Variants in IL20RB observed in about 807,000 individuals in gnomAD.
The protein encoded by IL20RB is interleukin 20 receptor subunit beta.
A neutral mutation model predicts 33.3 loss-of-function variants in IL20RB; 21 were observed. The observed-to-expected ratio is 0.63, with a 90% CI of 0.45 to 0.91. The LOEUF (loss-of-function observed/expected upper bound fraction) is 0.91, where lower values mean the gene tolerates loss of function less well. IL20RB is among the 40% of genes least tolerant of loss of function. IL20RB has a pLI of 0.00. For missense variants in IL20RB, 345 were observed against 384.8 expected (o/e 0.90, Z 0.86); for synonymous variants, 147 against 146.8 (o/e 1.00, Z -0.01).
rs1354144301 is a variant in IL20RB at position 137,010,835 on chromosome 3, G to A, written c.*612G>A. ...GGGGAATGGCTTAGCGAGCTCTACA[G>A]TAGGTGACCTGGAGGAAGGTCACAG... is the stretch of plus-strand genomic sequence containing the variant. On this transcript the variant is annotated 3_prime_UTR_variant, in exon 7 of 7. Transcript: ENST00000329582. 1 of 152,330 alleles carries A rather than the reference G, an allele frequency of 6.6e-6. No homozygotes were observed. Among genetic ancestry groups the A allele is most frequent in the Non-Finnish European group, 1.5e-5 (1 of 68,150 alleles). The allele number at this position is 152,330 out of a possible 1,614,324, so 9.4% of individuals were successfully genotyped here. A position where few individuals can be genotyped will look rare whatever the true frequency, so the allele number is the denominator to read the frequency against.
intron 6 of IL20RB, among the ~76,000 whole-genome samples, chr3:137,004,599 A>G (rs575753519): frequency 6.6e-6 from 1 of 152,098 alleles, no homozygotes; most frequent in South Asian, 2.1e-4. Context: ...TTTCTGTGGG[A>G]TCGGTGGTGA....
At chr3:136,998,209 T>C (rs1360325446) in intron 6 of IL20RB, among the ~76,000 whole-genome samples, 1 of 151,388 alleles carries the variant, frequency 6.6e-6, no homozygotes, top group African/African-American at 2.4e-5. Context: ...AATTTCACTT[T>C]AGTGACTTTT....
chr3:136,993,883 C>T (rs1276013378), intron 5 of IL20RB, among the ~76,000 whole-genome samples: 1 of 151,864 alleles, frequency 6.6e-6, no homozygotes, highest in East Asian at 1.9e-4. Context: ...CATGGTGGTG[C>T]ACGTCTGTAA....
rs1942105129 is a variant in IL20RB, at chr3:136,995,369, T to G, written c.683-45T>G. ...GGGAGGCTCAGGATTGAAGTTTTAA[T>G]CTTTGCTGCTGTTTTCTAAGCCTGT... is the stretch of plus-strand genomic sequence containing the variant. On this transcript the variant is annotated intron_variant, in intron 5 of 6. Coordinates refer to ENST00000329582, the MANE Select transcript of IL20RB (RefSeq NM_144717.4). 3 of 1,606,654 alleles carry G rather than the reference T, an allele frequency of 1.9e-6. No individual in the cohort carries two copies. In the African/African-American group the frequency reaches 4.0e-5, roughly 22 times the overall value.
chr3:137,002,361 C>CAATGGTTG (rs1942263069), intron 6 of IL20RB, among the ~76,000 whole-genome samples: 1 of 152,198 alleles, frequency 6.6e-6, no homozygotes, highest in Non-Finnish European at 1.5e-5. Flanking sequence ...CTGTCTTCCA[C>CAATGGTTG]AATGGTTGAA....
At chr3:136,961,347 A>C (rs1941211707) in intron 1 of IL20RB, among the ~76,000 whole-genome samples, 1 of 152,156 alleles carries the variant, frequency 6.6e-6, no homozygotes, top group Non-Finnish European at 1.5e-5. Flanking sequence ...CACCAGAAGT[A>C]AAGTCTAGAT....
intron 1 of IL20RB, among the ~76,000 whole-genome samples, chr3:136,975,363 G>A (rs1047421789): frequency 6.6e-6 from 1 of 151,872 alleles, no homozygotes; most frequent in Non-Finnish European, 1.5e-5. Flanking sequence ...TTTTTGAAAT[G>A]GAGTCTCGCT....
At chr3:136,988,151 A>T (rs1354035944) in intron 3 of IL20RB, among the ~76,000 whole-genome samples, 1 of 152,172 alleles carries the variant, frequency 6.6e-6, no homozygotes, top group Non-Finnish European at 1.5e-5. Context: ...GTCACCTCTC[A>T]CACTGACCCC....
chr3:136,989,366 G>A (rs1941984232), intron 3 of IL20RB, 75 bp from the exon 4 acceptor site: 1 of 1,562,000 alleles, frequency 6.4e-7, no homozygotes, highest in Non-Finnish European at 8.8e-7. Context: ...TTCCATACAT[G>A]ACCCGGTCAT....
chr3:136,996,570 A>G (rs1460146706), intron 6 of IL20RB, among the ~76,000 whole-genome samples: 1 of 152,122 alleles, frequency 6.6e-6, no homozygotes, highest in Non-Finnish European at 1.5e-5. Context: ...CTCCCTAAAC[A>G]GGAGGAATAA....
At chr3:136,991,877 TG>T in intron 4 of IL20RB, 60 bp from the exon 5 acceptor site, 1 of 1,569,384 alleles carries the variant, frequency 6.4e-7, no homozygotes, top group East Asian at 2.3e-5. Flanking sequence ...CCCAAAGTGC[TG>T]GGATTATAGG....
chr3:136,961,665 G>C (rs1941219487), intron 1 of IL20RB, among the ~76,000 whole-genome samples: 1 of 152,084 alleles, frequency 6.6e-6, no homozygotes, highest in South Asian at 2.1e-4. Flanking sequence ...AAAGAACTGA[G>C]TGGAAAAACT....
chr3:136,996,004 A>G (rs1353470884), intron 6 of IL20RB, among the ~76,000 whole-genome samples: 1 of 152,208 alleles, frequency 6.6e-6, no homozygotes, highest in Non-Finnish European at 1.5e-5. Flanking sequence ...AGTGAAGAAG[A>G]TGTACATGGG....
rs374693570 is a variant in IL20RB, at chr3:136,986,117, G to A, written c.407-3324G>A. Among the ~76,000 whole-genome samples the A allele has an allele frequency of 5.5e-4, 84 of 152,234 alleles. No individual in the cohort carries two copies. In the South Asian group the frequency reaches 0.011, roughly 20 times the overall value. On this transcript the variant is annotated intron_variant, in intron 3 of 6. Coordinates refer to ENST00000329582, the MANE Select transcript of IL20RB (RefSeq NM_144717.4). ...AGTCCCAGCTACTCCGGAGGCTGAG[G>A]CAGGAGAATGGTGTGAACCTGGGAG...
intron 1 of IL20RB, among the ~76,000 whole-genome samples, chr3:136,974,021 A>G (rs1359771384): frequency 6.6e-6 from 1 of 151,762 alleles, no homozygotes; most frequent in Non-Finnish European, 1.5e-5. Flanking sequence ...CAGCCATTTT[A>G]TATCTTTTAA....
Position 137,010,993 on chromosome 3 carries a change from CAT to C in IL20RB, c.*771_*772del, listed in dbSNP as rs375121481. 1.9e-4 allele frequency: 29 copies of C among 152,364 alleles called. No individual in the cohort carries two copies. Among genetic ancestry groups the C allele is most frequent in the Admixed American group, 4.6e-4 (7 of 15,302 alleles). The allele number at this position is 152,364 out of a possible 1,614,324, so 9.4% of individuals were successfully genotyped here. Reference sequence around the variant, plus strand: ...GCGACGAGAATGCAGAAGTCAGTAACATGTGCATGTTTGTTGTGCTCCTTTTT... The same window carrying C: ...GCGACGAGAATGCAGAAGTCAGTAACGTGCATGTTTGTTGTGCTCCTTTTT... On this transcript the variant is annotated 3_prime_UTR_variant, in exon 7 of 7. Transcript: ENST00000329582.
chr3:136,980,643 T>G (rs1941748342), intron 2 of IL20RB, 51 bp downstream of exon 2: 2 of 1,608,606 alleles, frequency 1.2e-6, no homozygotes, highest in South Asian at 2.2e-5. Context: ...AGTTGGTTCC[T>G]GAAGGCATAG....
intron 1 of IL20RB, among the ~76,000 whole-genome samples, chr3:136,970,544 A>G (rs902042089): frequency 2.6e-5 from 4 of 152,318 alleles, no homozygotes; most frequent in African/African-American, 4.8e-5. Flanking sequence ...TTTAATTACC[A>G]TAAGTCCTGG....
At chr3:137,009,857 C>T (rs1933037074) in intron 6 of IL20RB, among the ~76,000 whole-genome samples, 1 of 151,796 alleles carries the variant, frequency 6.6e-6, no homozygotes, top group African/African-American at 2.4e-5. Flanking sequence ...GAATTACATT[C>T]TGGGTTTTTG....
Sources: allele counts gnomAD v4.1 joint callset (sites outside exome capture counted in the v4.1 genomes callset), GRCh38; gene constraint gnomAD v4.1.1; transcripts MANE v1.5; gene names NCBI Gene and HGNC (gene_info 2026-07-23, HGNC 2026-07-21).